The following YY1 variants were observed in gnomAD, a reference collection of about 807,000 sequenced individuals.
YY1 encodes the protein transcriptional repressor protein YY1.
Under a neutral mutation model 35.6 loss-of-function variants are expected in YY1, and 2 were observed. The observed-to-expected ratio is 0.06, with a 90% CI of 0.02 to 0.18. The LOEUF is 0.18. Ranked by LOEUF, YY1 falls within the 10% of genes least tolerant of loss-of-function variation. The probability of loss-of-function intolerance (pLI) is 1.00; values close to 1 mark genes in which losing one functional copy is unlikely to be tolerated. For missense variants in YY1, 322 were observed against 573.4 expected (o/e 0.56, Z 4.48); for synonymous variants, 268 against 238.9 (o/e 1.12, Z -1.12).
rs1452903953 is a variant in YY1, at chr14:100,276,071, A to G, written c.904-419A>G. 1.8e-5 allele frequency: 5 copies of G among 281,164 alleles called. No individual in the cohort carries two copies. The highest frequency in any genetic ancestry group is 3.4e-5 in the Non-Finnish European group (5 of 145,184). 17.4% of individuals were successfully genotyped at this position (281,164 alleles called of 1,614,324 possible). A position where few individuals can be genotyped will look rare whatever the true frequency, so the allele number is the denominator to read the frequency against. On this transcript the variant is annotated intron_variant, in intron 3 of 4. Coordinates refer to ENST00000262238, the MANE Select transcript of YY1 (RefSeq NM_003403.5). The surrounding 1 kb of genome is among the most constrained non-coding windows in gnomAD (Gnocchi z 4.1). Reference sequence around the variant, plus strand: ...TTGCAGCACAGAATATGGGGCCACCAAAGGTAGTGGTGGACTACCGTCATT... The same window carrying G: ...TTGCAGCACAGAATATGGGGCCACCGAAGGTAGTGGTGGACTACCGTCATT...
chr14:100,275,895 C>T (rs2139603668), intron 3 of YY1: 1 of 160,496 alleles, frequency 6.2e-6, no homozygotes, highest in Non-Finnish European at 1.4e-5. Context: ...ATCAATTTGC[C>T]TGCTTCTTCC....
At position 100,239,694 on chromosome 14, in the gene YY1, G is replaced by A. The variant is rs1410366443; in HGVS notation, c.450G>A (p.Leu150=). 2 of 1,605,504 alleles carry A rather than the reference G, an allele frequency of 1.2e-6. No individual in the cohort carries two copies. The highest frequency in any genetic ancestry group is 1.7e-5 in the Admixed American group (1 of 59,876). ...ACGACGACTACATTGAACAAACGCT[G>A]GTCACCGTGGCGGCGGCCGGCAAGA... ...GGDDDYIEQT[L]VTVAAAGKSG... The change falls in exon 1 of 5, where the codon CTG becomes CTA. Residue 150 remains leucine (L), a synonymous_variant. Coordinates refer to ENST00000262238, the MANE Select transcript of YY1 (RefSeq NM_003403.5).
At chr14:100,253,853 G>C (rs1310531501) in intron 1 of YY1, among the ~76,000 whole-genome samples, 1 of 151,628 alleles carries the variant, frequency 6.6e-6, no homozygotes, top group Non-Finnish European at 1.5e-5. Flanking sequence ...TTTTGAGATG[G>C]AGTCTCACTG....
intron 1 of YY1, among the ~76,000 whole-genome samples, chr14:100,255,165 TC>T (rs1292238924): frequency 6.6e-6 from 1 of 151,982 alleles, no homozygotes; most frequent in African/African-American, 2.4e-5. Context: ...CTAGTTATCT[TC>T]CTTGTAGGAA....
At chr14:100,264,075 G>C (rs974591823) in intron 2 of YY1, 5 of 151,752 alleles carry the variant, frequency 3.3e-5, no homozygotes, top group African/African-American at 9.7e-5. Context: ...ATGTTGCCCA[G>C]GCTGGCCTCA....
intron 2 of YY1, among the ~76,000 whole-genome samples, chr14:100,267,499 G>A (rs1891172406): frequency 6.6e-6 from 1 of 151,392 alleles, no homozygotes; most frequent in African/African-American, 2.4e-5. Context: ...GTCAAGGGTT[G>A]GGCTCCCTCT....
chr14:100,242,428 G>A (rs1329412878), intron 1 of YY1, among the ~76,000 whole-genome samples: 10 of 127,336 alleles, frequency 7.9e-5, no homozygotes, highest in Admixed American at 4.0e-4. Flanking sequence ...TCGCTCTGTC[G>A]CCCAGGCTGG....
At chr14:100,253,885 C>T (rs1017561557) in intron 1 of YY1, among the ~76,000 whole-genome samples, 22 of 152,116 alleles carry the variant, frequency 1.4e-4, no homozygotes, top group Non-Finnish European at 3.1e-4. Context: ...GGGTGGAGTG[C>T]AATGGCATGA....
chr14:100,257,230 C>T (rs1367954694), intron 1 of YY1, among the ~76,000 whole-genome samples: 1 of 152,174 alleles, frequency 6.6e-6, no homozygotes, highest in Non-Finnish European at 1.5e-5. Flanking sequence ...AGTATTTCCT[C>T]ATTTGACTTC....
Position 100,239,152 on chromosome 14 carries a change from GCCTT to G in YY1, c.-86_-83del, listed in dbSNP as rs1342585421. The G allele has an allele frequency of 9.9e-6, 12 of 1,209,400 alleles. No individual in the cohort carries two copies. The East Asian group carries it at 4.3e-4, about 43-fold the overall frequency. The allele number at this position is 1,209,400 out of a possible 1,614,324, so 74.9% of individuals were successfully genotyped here. On this transcript the variant is annotated 5_prime_UTR_variant, in exon 1 of 5. Coordinates refer to ENST00000262238, the MANE Select transcript of YY1 (RefSeq NM_003403.5). ...GCCCGCTCGCCGCCTTCCTCCCTCT[GCCTT>G]CCTTCCCCACGGCCGGCCGCCTCCT...
At chr14:100,265,599 C>T (rs539055219) in intron 2 of YY1, among the ~76,000 whole-genome samples, 36 of 151,214 alleles carry the variant, frequency 2.4e-4, no homozygotes, top group Non-Finnish European at 4.9e-4. Flanking sequence ...TTAACAGCAT[C>T]TCAAACCAAA....
chr14:100,245,688 G>T (rs1405557275), intron 1 of YY1, among the ~76,000 whole-genome samples: 1 of 151,900 alleles, frequency 6.6e-6, no homozygotes, highest in South Asian at 2.1e-4. Context: ...CTCACTGCAA[G>T]CTCCACCTCC....
At chr14:100,256,226 A>C (rs926977617) in intron 1 of YY1, among the ~76,000 whole-genome samples, 1 of 152,070 alleles carries the variant, frequency 6.6e-6, no homozygotes, top group African/African-American at 2.4e-5. Flanking sequence ...TCCCCTATAC[A>C]TGCATATTTA....
intron 1 of YY1, among the ~76,000 whole-genome samples, chr14:100,252,818 A>T (rs1397677593): frequency 1.3e-5 from 2 of 152,110 alleles, no homozygotes; most frequent in East Asian, 3.9e-4. Flanking sequence ...CAGGAGGATC[A>T]CTTGAGCCCA....
chr14:100,255,042 C>T (rs1890985153), intron 1 of YY1, among the ~76,000 whole-genome samples: 1 of 145,556 alleles, frequency 6.9e-6, no homozygotes, highest in Admixed American at 7.1e-5. Context: ...CGTGATCCAC[C>T]CACCTTGGCC....
chr14:100,244,716 G>T (rs1467412659), intron 1 of YY1, among the ~76,000 whole-genome samples: 3 of 151,032 alleles, frequency 2.0e-5, no homozygotes, highest in Non-Finnish European at 4.4e-5. Context: ...CCAAGCAGCT[G>T]GGACCACAGG....
chr14:100,282,023 A>C lies in YY1; in HGVS notation c.*4423A>C, dbSNP rs1891442177. 2 of 152,170 alleles carry C rather than the reference A, an allele frequency of 1.3e-5. No homozygotes were observed. The highest frequency in any genetic ancestry group is 2.4e-5 in the African/African-American group (1 of 41,414). The allele number at this position is 152,170 out of a possible 1,614,324, so 9.4% of individuals were successfully genotyped here. On this transcript the variant is annotated 3_prime_UTR_variant, in exon 5 of 5. Transcript: ENST00000262238. ...ACGTTATCACCCAGTCCCCTTGTAA[A>C]ATCTGGAATGGAGCGTTTAAGCTGA...
intron 2 of YY1, among the ~76,000 whole-genome samples, chr14:100,264,585 G>A (rs1017532400): frequency 6.6e-6 from 1 of 152,168 alleles, no homozygotes; most frequent in Non-Finnish European, 1.5e-5. Flanking sequence ...TGAATCCTAG[G>A]CCAGGCTGTG....
At chr14:100,274,809 G>A in intron 3 of YY1, 51 bp downstream of exon 3, 1 of 1,559,566 alleles carries the variant, frequency 6.4e-7, no homozygotes, top group East Asian at 2.2e-5. Flanking sequence ...TGAAGTTTTA[G>A]AGAGTTATAA....
Sources: allele counts gnomAD v4.1 joint callset (sites outside exome capture counted in the v4.1 genomes callset), GRCh38; gene constraint gnomAD v4.1.1; non-coding constraint Gnocchi (gnomAD v3.1); transcripts MANE v1.5; gene names NCBI Gene and HGNC (gene_info 2026-07-23, HGNC 2026-07-21).